Variants in ERG observed in about 807,000 individuals in gnomAD.
The protein encoded by ERG is ETS transcription factor ERG.
ERG carries 9 observed loss-of-function variants against 55.3 expected under a neutral mutation model. The observed-to-expected ratio is 0.16, with a 90% confidence interval of 0.10 to 0.28. ERG has a LOEUF of 0.28. Among genes scored for constraint, ERG ranks in the 10% least tolerant of loss-of-function variants. The pLI, the probability that ERG is intolerant of heterozygous loss-of-function variation, is 1.00. For missense variants in ERG, 434 were observed against 631.6 expected (o/e 0.69, Z 3.35); for synonymous variants, 223 against 237.3 (o/e 0.94, Z 0.55).
Position 38,660,137 on chromosome 21 carries a change from G to A in ERG, c.-150+1521C>T, listed in dbSNP as rs73905456. Among the ~76,000 whole-genome samples the A allele has an allele frequency of 1.0e-2, 1,517 of 152,064 alleles. 22 individuals are homozygous for A. Among genetic ancestry groups the A allele is most frequent in the African/African-American group, 0.034 (1,421 of 41,482 alleles). On this transcript the variant is annotated intron_variant, in intron 1 of 10. Coordinates refer to the ERG transcript ENST00000398910. ...GGTCATTCCACCATCAGGACCCAGC[G>A]GACAGTGACAACCCAGCCTCAAACC...
At chr21:38,531,450 G>A (rs1013632063) in intron 2 of ERG, among the ~76,000 whole-genome samples, 4 of 152,018 alleles carry the variant, frequency 2.6e-5, no homozygotes, top group Non-Finnish European at 5.9e-5. Flanking sequence ...TTTGAAGAAG[G>A]GTCTGTGTAA....
At chr21:38,531,635 G>A (rs942159874) in intron 2 of ERG, among the ~76,000 whole-genome samples, 10 of 152,096 alleles carry the variant, frequency 6.6e-5, no homozygotes, top group African/African-American at 2.2e-4. Flanking sequence ...GTAGAACAGC[G>A]GCAAGCAAAT....
rs150483062 is a variant in ERG at position 38,423,509 on chromosome 21, G to C, written c.289C>G (p.Pro97Ala). Residue 97 changes from proline to alanine, a missense_variant, in exon 3 of 10, where the codon CCA becomes GCA. Physicochemically the swap from Pro to Ala is conservative, Grantham distance 27 (BLOSUM62 -1). Around this residue, in one of 5 missense-constraint regions of ERG, gnomAD observed 212 missense variants for 262.9 expected, o/e 0.81. Coordinates refer to ENST00000288319, the MANE Select transcript of ERG (RefSeq NM_182918.4). ...CCGTAGTTCATCCCAACGGTGTCTGGGCTGCCCACCATCTTCCCGCCTTTG... is the reference window on the plus strand; with the variant it reads ...CCGTAGTTCATCCCAACGGTGTCTGCGCTGCCCACCATCTTCCCGCCTTTG... The part of the protein sequence containing the change: ...VAKGGKMVGS[P>A]DTVGMNYGSY... 1.8e-5 allele frequency: 29 copies of C among 1,614,118 alleles called. No homozygotes were observed. Among genetic ancestry groups the C allele is most frequent in the Non-Finnish European group, 2.4e-5 (28 of 1,179,978 alleles).
At chr21:38,617,523 C>G (rs890955040) in intron 1 of ERG, among the ~76,000 whole-genome samples, 1 of 152,190 alleles carries the variant, frequency 6.6e-6, no homozygotes, top group Non-Finnish European at 1.5e-5. Context: ...AAAATTATAT[C>G]CATGCTTTCA....
At chr21:38,641,431 C>A (rs1041586827) in intron 1 of ERG, among the ~76,000 whole-genome samples, 4 of 152,192 alleles carry the variant, frequency 2.6e-5, no homozygotes, top group African/African-American at 9.7e-5. Context: ...TTGTTTATGA[C>A]CATCCAGTGT....
intron 2 of ERG, among the ~76,000 whole-genome samples, chr21:38,443,656 G>T (rs1344794493): frequency 5.3e-5 from 8 of 152,158 alleles, no homozygotes; most frequent in Admixed American, 5.2e-4. Context: ...GGATTTATGG[G>T]TAAAAAATAT....
intron 2 of ERG, among the ~76,000 whole-genome samples, chr21:38,518,224 ATG>A (rs150947996): frequency 1.7e-4 from 25 of 146,582 alleles, no homozygotes; most frequent in African/African-American, 3.8e-4. Flanking sequence ...CCCCATAACT[ATG>A]TGTGTGTGTG....
At chr21:38,581,228 G>T (rs776220185) in intron 1 of ERG, among the ~76,000 whole-genome samples, 11 of 152,178 alleles carry the variant, frequency 7.2e-5, no homozygotes, top group Admixed American at 1.3e-4. Flanking sequence ...CGCTGGGCTG[G>T]GGGCAGTGCT....
At chr21:38,487,095 C>T (rs186510380) in intron 1 of ERG, among the ~76,000 whole-genome samples, 12 of 146,406 alleles carry the variant, frequency 8.2e-5, no homozygotes, top group African/African-American at 2.3e-4. Context: ...ATTTCTAAAT[C>T]GTAACAAGTT....
chr21:38,522,939 G>A (rs927388113), intron 2 of ERG, among the ~76,000 whole-genome samples: 3 of 152,158 alleles, frequency 2.0e-5, no homozygotes, highest in East Asian at 1.9e-4. Flanking sequence ...TAAGCTGTAC[G>A]AAATTATTTC....
At chr21:38,392,888 G>A (rs1988042172) in intron 6 of ERG, among the ~76,000 whole-genome samples, 2 of 152,114 alleles carry the variant, frequency 1.3e-5, no homozygotes, top group Non-Finnish European at 2.9e-5. Context: ...ATGACATTCA[G>A]CTTCTTTTTC....
At chr21:38,486,649 T>C (rs1054248275) in intron 1 of ERG, among the ~76,000 whole-genome samples, 2 of 152,060 alleles carry the variant, frequency 1.3e-5, no homozygotes, top group Admixed American at 1.3e-4. Context: ...TGAGAGTAAA[T>C]TAAATAAGAA....
intron 2 of ERG, among the ~76,000 whole-genome samples, chr21:38,553,349 T>A (rs998680921): frequency 2.6e-5 from 4 of 152,182 alleles, no homozygotes; most frequent in African/African-American, 4.8e-5. Flanking sequence ...TGGAAATTCA[T>A]ATGGAACCAC....
In ERG at chr21:38,380,702, G is replaced by A. The variant is rs1475205034; in HGVS notation, c.*2701C>T. ...ATTTGAAGGAACTCAGTATTATCAT[G>A]TTATCCAAAATTATCCCAGTTGCTC... On this transcript the variant is annotated 3_prime_UTR_variant, in exon 10 of 10. Transcript: ENST00000288319. The A allele has an allele frequency of 9.4e-7, 1 of 1,064,714 alleles. No homozygotes were observed. Among genetic ancestry groups the A allele is most frequent in the East Asian group, 5.0e-5 (1 of 19,964 alleles). The allele number at this position is 1,064,714 out of a possible 1,614,324, so 66.0% of individuals were successfully genotyped here.
At chr21:38,386,590 G>A (rs1473858683) in intron 9 of ERG, among the ~76,000 whole-genome samples, 2 of 152,106 alleles carry the variant, frequency 1.3e-5, no homozygotes, top group Non-Finnish European at 2.9e-5. Flanking sequence ...AATGTGTGAC[G>A]AGGTGCATTT....
chr21:38,404,082 T>C (rs1468405775), intron 3 of ERG, among the ~76,000 whole-genome samples: 1 of 152,192 alleles, frequency 6.6e-6, no homozygotes, highest in Non-Finnish European at 1.5e-5. Flanking sequence ...CTTAGAAAAC[T>C]ACTGGTATAT....
chr21:38,637,424 T>A (rs780886878), intron 1 of ERG, among the ~76,000 whole-genome samples: 2 of 152,218 alleles, frequency 1.3e-5, no homozygotes, highest in Admixed American at 1.3e-4. Context: ...TTGGAAGCTA[T>A]TGTGGTGAAA....
At chr21:38,573,691 A>T (rs1012429269) in intron 2 of ERG, among the ~76,000 whole-genome samples, 2 of 152,250 alleles carry the variant, frequency 1.3e-5, no homozygotes, top group African/African-American at 4.8e-5. Flanking sequence ...AAATAATGAA[A>T]ATAATAATCA....
At position 38,423,538 on chromosome 21, in the gene ERG, A is replaced by T. The variant is rs768577569; in HGVS notation, c.260T>A (p.Val87Glu). 5 of 1,613,922 alleles carry T rather than the reference A, an allele frequency of 3.1e-6. No homozygotes were observed. Among genetic ancestry groups the T allele is most frequent in the Non-Finnish European group, 4.2e-6 (5 of 1,179,800 alleles). Residue 87 changes from valine (V) to glutamate (E), a missense_variant, in exon 3 of 10, where the codon GTG becomes GAG. Val to Glu is a moderately radical substitution (Grantham distance 121). Transcript: ENST00000288319. Reference protein sequence around the residue: ...GSRNSPDECSVAKGGKMVGSP... With the variant: ...GSRNSPDECSEAKGGKMVGSP... ...GCCCACCATCTTCCCGCCTTTGGCCACACTGCATTCATCAGGAGAGTTCCT... is the reference window on the plus strand; with the variant it reads ...GCCCACCATCTTCCCGCCTTTGGCCTCACTGCATTCATCAGGAGAGTTCCT...
Sources: allele counts gnomAD v4.1 joint callset (sites outside exome capture counted in the v4.1 genomes callset), GRCh38; gene constraint gnomAD v4.1.1; regional missense constraint gnomAD v4.1.1; transcripts MANE v1.5; gene names NCBI Gene and HGNC (gene_info 2026-07-23, HGNC 2026-07-21).